The following SORCS3 variants were observed in gnomAD, a reference collection of about 807,000 sequenced individuals.
SORCS3 encodes the protein VPS10 domain-containing receptor SorCS3.
A neutral mutation model predicts 146.3 loss-of-function variants in SORCS3; 57 were observed. That is an observed-to-expected ratio of 0.39 (90% CI 0.31 to 0.49). SORCS3 has a LOEUF of 0.49. Ranked by LOEUF, SORCS3 falls within the 20% of genes least tolerant of loss-of-function variation. The pLI is 0.92. For missense variants in SORCS3, 1,341 were observed against 1,575.5 expected, an observed-to-expected ratio of 0.85 and a Z score of 2.52; for synonymous variants, 653 against 618.5, an observed-to-expected ratio of 1.06 and a Z score of -0.83.
chr10:105,256,442 T>G (rs72819928), intron 24 of SORCS3, among the ~76,000 whole-genome samples: 1,597 of 152,328 alleles, frequency 0.01, 14 homozygotes, highest in Middle Eastern at 0.027. Flanking sequence ...AATGAAACAC[T>G]GCATTAGTAC....
chr10:104,919,857 C>T (rs1321357338), intron 3 of SORCS3, among the ~76,000 whole-genome samples: 1 of 152,184 alleles, frequency 6.6e-6, no homozygotes, highest in East Asian at 1.9e-4. Flanking sequence ...TACATTCTAA[C>T]TTTCTCGTAA....
At chr10:105,222,044 C>CT (rs34795700) in intron 19 of SORCS3, among the ~76,000 whole-genome samples, 16,398 of 76,376 alleles carry the variant, frequency 0.21, 2,753 homozygotes, top group Non-Finnish European at 0.27. Flanking sequence ...TACCTTAACA[C>CT]TTTTTTTTTT....
chr10:105,105,735 G>C (rs2055816313), intron 7 of SORCS3, among the ~76,000 whole-genome samples: 1 of 152,138 alleles, frequency 6.6e-6, no homozygotes, highest in Admixed American at 6.5e-5. Flanking sequence ...TATAGCACAG[G>C]AGCTGTCTGA....
At chr10:104,887,016 T>G (rs1294514534) in intron 2 of SORCS3, among the ~76,000 whole-genome samples, 1 of 152,242 alleles carries the variant, frequency 6.6e-6, no homozygotes, top group African/African-American at 2.4e-5. Context: ...ATTCAGCAAG[T>G]AATTTAGTGA....
chr10:105,100,892 A>G (rs1389989388), intron 6 of SORCS3, among the ~76,000 whole-genome samples: 5 of 152,354 alleles, frequency 3.3e-5, no homozygotes, highest in South Asian at 2.1e-4. Context: ...TTTAATCCTG[A>G]TGACAGTCCT....
intron 2 of SORCS3, among the ~76,000 whole-genome samples, chr10:104,894,221 G>T (rs1166633239): frequency 1.3e-5 from 2 of 152,062 alleles, no homozygotes; most frequent in Non-Finnish European, 2.9e-5. Flanking sequence ...CCTCTCAACT[G>T]CAGCGTTTCT....
intron 7 of SORCS3, among the ~76,000 whole-genome samples, chr10:105,106,163 G>T (rs2055820018): frequency 6.6e-6 from 1 of 152,196 alleles, no homozygotes; most frequent in Non-Finnish European, 1.5e-5. Context: ...GACTGACAGA[G>T]GATGCATGTG....
At chr10:104,647,114 C>T (rs1053489011) in intron 1 of SORCS3, among the ~76,000 whole-genome samples, 3 of 152,164 alleles carry the variant, frequency 2.0e-5, no homozygotes, top group Non-Finnish European at 2.9e-5. Flanking sequence ...GTGTTTCATC[C>T]AGTGTGTCTA....
chr10:104,851,207 TTA>T (rs1428106228), intron 2 of SORCS3, among the ~76,000 whole-genome samples: 1 of 152,214 alleles, frequency 6.6e-6, no homozygotes, highest in Non-Finnish European at 1.5e-5. Context: ...ATTTTCCTAT[TTA>T]TTATGGGAAA....
intron 1 of SORCS3, among the ~76,000 whole-genome samples, chr10:104,766,979 G>T (rs963158119): frequency 4.6e-5 from 7 of 152,150 alleles, no homozygotes; most frequent in Non-Finnish European, 8.8e-5. Flanking sequence ...TATAGACAAG[G>T]TTCATTTATC....
chr10:105,116,086 A>G (rs1268202852), intron 7 of SORCS3, among the ~76,000 whole-genome samples: 1 of 152,212 alleles, frequency 6.6e-6, no homozygotes, highest in Admixed American at 6.5e-5. Flanking sequence ...CTATATGTGT[A>G]ATGATTATAG....
Position 104,671,325 on chromosome 10 carries a change from C to CTTTTTTTTTTTTTTTTTTTTTTTTT in SORCS3, c.627+29374_627+29398dup, listed in dbSNP as rs771029154. Reference sequence around the variant, plus strand: ...ATGTTAAGGTAGTTTCATTCTTTTCCTTTTTTTTTTTTTTTTTTTTTTTTT... The same window carrying CTTTTTTTTTTTTTTTTTTTTTTTTT: ...ATGTTAAGGTAGTTTCATTCTTTTCCTTTTTTTTTTTTTTTTTTTTTTTTTTTTTTTTTTTTTTTTTTTTTTTTTT... On this transcript the variant is annotated intron_variant, in intron 1 of 26. Coordinates refer to ENST00000369701, the MANE Select transcript of SORCS3 (RefSeq NM_014978.3). Among the ~76,000 whole-genome samples, 80 of 19,202 alleles carry CTTTTTTTTTTTTTTTTTTTTTTTTT rather than the reference C, an allele frequency of 4.2e-3. 31 individuals are homozygous for CTTTTTTTTTTTTTTTTTTTTTTTTT. Among genetic ancestry groups the CTTTTTTTTTTTTTTTTTTTTTTTTT allele is most frequent in the Non-Finnish European group, 5.6e-3 (63 of 11,212 alleles). 12.6% of individuals were successfully genotyped at this position (19,202 alleles called of 152,430 possible). A position where few individuals can be genotyped will look rare whatever the true frequency, so the allele number is the denominator to read the frequency against.
In SORCS3 at chr10:104,830,588, C is replaced by T. The variant is rs151154297; in HGVS notation, c.628-12204C>T. On this transcript the variant is annotated intron_variant, in intron 1 of 26. Transcript: ENST00000369701. ...TGGAGAGGGCTGCTTCTCCCTCCTC[C>T]GCCAGTCCCCACTCATGCTTTCCAT... 3.3e-3 allele frequency among the ~76,000 whole-genome samples: 496 copies of T among 152,242 alleles called. 3 individuals are homozygous for T. The highest frequency in any genetic ancestry group is 6.9e-3 in the Admixed American group (106 of 15,304).
intron 4 of SORCS3, among the ~76,000 whole-genome samples, chr10:105,003,726 C>T (rs968094186): frequency 6.6e-6 from 1 of 152,134 alleles, no homozygotes; most frequent in Non-Finnish European, 1.5e-5. Context: ...GTCCCCCTAA[C>T]TTTTCATCTG....
In SORCS3 at chr10:104,966,786, G is replaced by T. The variant is rs142499244; in HGVS notation, c.796-10549G>T. On this transcript the variant is annotated intron_variant, in intron 3 of 26. Transcript: ENST00000369701. ...GACATCTCCAATACTAATGTTGACT[G>T]GTTTAGACATAGATAAGCTGACAGG... 3.3e-3 allele frequency among the ~76,000 whole-genome samples: 498 copies of T among 152,268 alleles called. 4 individuals carry two copies. The highest frequency in any genetic ancestry group is 0.011 in the African/African-American group (445 of 41,532).
At chr10:104,712,318 C>T (rs953095571) in intron 1 of SORCS3, among the ~76,000 whole-genome samples, 3 of 152,178 alleles carry the variant, frequency 2.0e-5, no homozygotes, top group African/African-American at 7.2e-5. Flanking sequence ...TAACTCTTCC[C>T]CTTTCTGCCA....
intron 1 of SORCS3, among the ~76,000 whole-genome samples, chr10:104,772,554 G>A (rs879207891): frequency 2.0e-5 from 3 of 152,292 alleles, no homozygotes; most frequent in Admixed American, 6.5e-5. Flanking sequence ...AGATCAAGCC[G>A]TTTTTCCTCT....
intron 1 of SORCS3, among the ~76,000 whole-genome samples, chr10:104,776,203 T>C (rs945972486): frequency 1.3e-5 from 2 of 152,122 alleles, no homozygotes; most frequent in Non-Finnish European, 2.9e-5. Flanking sequence ...TATGAAGATA[T>C]CTACAGAAAG....
chr10:104,830,659 T>A (rs539794479), intron 1 of SORCS3, among the ~76,000 whole-genome samples: 1 of 152,260 alleles, frequency 6.6e-6, no homozygotes, highest in Non-Finnish European at 1.5e-5. Context: ...GTTTTAGAAA[T>A]GTAATTTGCA....
Sources: gnomAD v4.1 joint callset for allele counts (sites outside exome capture counted in the v4.1 genomes callset) on GRCh38, gnomAD v4.1.1 for gene constraint, MANE v1.5 for transcripts, NCBI Gene and HGNC (gene_info 2026-07-23, HGNC 2026-07-21) for gene names.